PLSCR2: variants seen among roughly 807,000 people sequenced by gnomAD.
PLSCR2 encodes PL scramblase 2.
A neutral mutation model predicts 25.3 loss-of-function variants in PLSCR2; 18 were observed. That is an observed-to-expected ratio of 0.71 (90% CI 0.49 to 1.06). The LOEUF (loss-of-function observed/expected upper bound fraction) is 1.06, where lower values mean the gene tolerates loss of function less well. Among genes scored for constraint, PLSCR2 ranks in the 50% least tolerant of loss-of-function variants. The probability of loss-of-function intolerance (pLI) is 0.00; values close to 1 mark genes in which losing one functional copy is unlikely to be tolerated. For synonymous variants in PLSCR2, 88 were observed against 87.3 expected, an observed-to-expected ratio of 1.01 and a Z score of -0.04; for missense variants, 243 against 269.5, an observed-to-expected ratio of 0.90 and a Z score of 0.69.
intron 1 of PLSCR2, among the ~76,000 whole-genome samples, chr3:146,483,485 A>ACACGTGTG (rs2043225902): frequency 1.2e-5 from 1 of 85,664 alleles, no homozygotes; most frequent in African/African-American, 5.1e-5. Context: ...ATGTGTATAT[A>ACACGTGTG]TATATATATA....
chr3:146,440,479 C>T (rs1005672602), downstream of PLSCR2, among the ~76,000 whole-genome samples: 6 of 152,192 alleles, frequency 3.9e-5, no homozygotes, highest in East Asian at 1.9e-4. Context: ...CAATGGCAGA[C>T]GCCCCTTCCC....
chr3:146,411,823 C>T (rs1011272551), intron 2 of PLSCR2, among the ~76,000 whole-genome samples: 1 of 152,170 alleles, frequency 6.6e-6, no homozygotes, highest in Non-Finnish European at 1.5e-5. Flanking sequence ...TAAATGGTTA[C>T]AGGAAAGTAA....
At chr3:146,397,920 A>G (rs964094686) in intron 2 of PLSCR2, among the ~76,000 whole-genome samples, 1 of 152,080 alleles carries the variant, frequency 6.6e-6, no homozygotes, top group Non-Finnish European at 1.5e-5. Flanking sequence ...TGCAGATGCC[A>G]GTAAGAATCA....
intron 1 of PLSCR2, chr3:146,469,536 G>T (rs1463170343): frequency 2.0e-6 from 2 of 985,314 alleles, no homozygotes; most frequent in Non-Finnish European, 2.4e-6. Context: ...AGCGAGCCGA[G>T]GTCCTAGCGT....
chr3:146,428,785 G>T (rs917188770), downstream of PLSCR2, among the ~76,000 whole-genome samples: 25 of 152,162 alleles, frequency 1.6e-4, no homozygotes, highest in African/African-American at 6.0e-4. Context: ...CTTGCATAAA[G>T]ACTTATTTTC....
intron 2 of PLSCR2, among the ~76,000 whole-genome samples, chr3:146,400,435 T>C (rs894316493): frequency 7.9e-5 from 12 of 151,504 alleles, no homozygotes; most frequent in Non-Finnish European, 1.5e-4. Context: ...ATATAATATT[T>C]GTAAGACCTA....
At chr3:146,398,633 G>A (rs546113184) in intron 2 of PLSCR2, 1 of 151,092 alleles carries the variant, frequency 6.6e-6, no homozygotes, top group Non-Finnish European at 1.5e-5. Flanking sequence ...ATTTTAATAT[G>A]ATATTACAAC....
intron 2 of PLSCR2, 28 bp downstream of exon 2, chr3:146,459,820 T>TC: frequency 6.8e-7 from 1 of 1,468,570 alleles, no homozygotes. Context: ...TTTTTTTTTT[T>TC]CTGAGTATTT....
chr3:146,441,268 C>T (rs1322648745), downstream of PLSCR2, among the ~76,000 whole-genome samples: 2 of 151,962 alleles, frequency 1.3e-5, no homozygotes, highest in African/African-American at 2.4e-5. Flanking sequence ...TGAGAATATG[C>T]ATATTAAATA....
At chr3:146,495,243 G>A (rs576527079) in intron 1 of PLSCR2, among the ~76,000 whole-genome samples, 4 of 152,198 alleles carry the variant, frequency 2.6e-5, no homozygotes, top group African/African-American at 9.6e-5. Flanking sequence ...GAACATAAAT[G>A]TCTTCTTCCT....
At chr3:146,450,345 T>C (rs1334999318) in intron 5 of PLSCR2, among the ~76,000 whole-genome samples, 1 of 152,214 alleles carries the variant, frequency 6.6e-6, no homozygotes, top group African/African-American at 2.4e-5. Flanking sequence ...ACTGAAAACA[T>C]TTGATTCATT....
At chr3:146,436,729 A>G (rs1430879007) in intron 8 of PLSCR2, among the ~76,000 whole-genome samples, 1 of 112,874 alleles carries the variant, frequency 8.9e-6, no homozygotes, top group African/African-American at 2.7e-5. Context: ...AACAGGGACA[A>G]TTTGACTTCC....
At chr3:146,459,526 G>A (rs943312364) in intron 2 of PLSCR2, among the ~76,000 whole-genome samples, 1 of 152,152 alleles carries the variant, frequency 6.6e-6, no homozygotes, top group African/African-American at 2.4e-5. Flanking sequence ...ATTCTGTAAA[G>A]ATTAAGTGAG....
At chr3:146,469,425 G>T in intron 1 of PLSCR2, 70 bp downstream of exon 1, 1 of 910,646 alleles carries the variant, frequency 1.1e-6, no homozygotes, top group Non-Finnish European at 1.3e-6. Context: ...TTATGGGGCG[G>T]AGCATCGTCC....
At chr3:146,470,225 A>G (rs1020566421) in intron 1 of PLSCR2, among the ~76,000 whole-genome samples, 41 of 152,154 alleles carry the variant, frequency 2.7e-4, no homozygotes, top group African/African-American at 8.4e-4. Context: ...CCCTCATGCA[A>G]TAAATAAATA....
At chr3:146,466,091 C>T (rs2041851122) in intron 1 of PLSCR2, among the ~76,000 whole-genome samples, 1 of 152,218 alleles carries the variant, frequency 6.6e-6, no homozygotes, top group South Asian at 2.1e-4. Flanking sequence ...TAAAAATCCA[C>T]TTCAGCATCT....
chr3:146,422,355 T>A (rs1344841149), intron 2 of PLSCR2, among the ~76,000 whole-genome samples: 1 of 152,114 alleles, frequency 6.6e-6, no homozygotes, highest in African/African-American at 2.4e-5. Flanking sequence ...CAAAGTGTTT[T>A]TGTGTTATTT....
chr3:146,455,383 T>A (rs777667748), exon 4 of PLSCR2: 1 of 1,613,724 alleles, frequency 6.2e-7, no homozygotes, highest in Admixed American at 1.7e-5. Flanking sequence ...AATTAGTATC[T>A]TCTGCTGCAA....
Position 146,420,463 on chromosome 3 carries a change from ATG to A in PLSCR2, c.101-24544_101-24543del, listed in dbSNP as rs572252034. On this transcript the variant is annotated intron_variant and NMD_transcript_variant, in intron 2 of 3. Coordinates refer to the PLSCR2 transcript ENST00000463633. Reference sequence around the variant, plus strand: ...TAGTTGTATATGTACATATAAATATATGTGTTTTTAATGTTTGCTAAGTAACG... The same window carrying A: ...TAGTTGTATATGTACATATAAATATATGTTTTTAATGTTTGCTAAGTAACG... Among the ~76,000 whole-genome samples the A allele has an allele frequency of 6.6e-5, 10 of 152,028 alleles. No homozygotes were observed. In the East Asian group the frequency reaches 7.7e-4, roughly 12 times the overall value.
Sources: gnomAD v4.1 joint callset for allele counts (sites outside exome capture counted in the v4.1 genomes callset) on GRCh38, gnomAD v4.1.1 for gene constraint, MANE v1.5 for transcripts, NCBI Gene and HGNC (gene_info 2026-07-23, HGNC 2026-07-21) for gene names.